Variants in SYNE2 observed in about 807,000 individuals in gnomAD.
The protein encoded by SYNE2 is spectrin repeat containing nuclear envelope protein 2.
A neutral mutation model predicts 856.3 loss-of-function variants in SYNE2; 431 were observed. That is an observed-to-expected ratio of 0.50 (90% CI 0.47 to 0.55). SYNE2 has a LOEUF of 0.55. Among genes scored for constraint, SYNE2 ranks in the 20% least tolerant of loss-of-function variants. The pLI, the probability that SYNE2 is intolerant of heterozygous loss-of-function variation, is 0.00. For missense variants in SYNE2, 8,129 were observed against 8,023.2 expected (o/e 1.01, Z -0.50); for synonymous variants, 2,923 against 2,872.3 (o/e 1.02, Z -0.56).
At position 63,909,194 on chromosome 14, in the gene SYNE2, T is replaced by C. The variant is rs1195843279; in HGVS notation, c.46T>C (p.Trp16Arg). 1.2e-6 allele frequency: 2 copies of C among 1,613,238 alleles called. No homozygotes were observed. Among genetic ancestry groups the C allele is most frequent in the Non-Finnish European group, 8.5e-7 (1 of 1,179,670 alleles). ...TCCCACCGAAGATGAACAGGGTTCC[T>C]GGGGCATCGACGATCTCCATATTTC... ...ELPTEDEQGS[W>R]GIDDLHISLQ... The change falls in exon 2 of 116, where the codon TGG (tryptophan) becomes CGG (arginine). Residue 16 changes from tryptophan (W) to arginine (R), a missense_variant. By Grantham distance (101) the Trp-to-Arg change is moderately radical. Coordinates refer to ENST00000555002, the MANE Select transcript of SYNE2 (RefSeq NM_182914.3).
chr14:64,048,526 A>T (rs985259344), intron 46 of SYNE2: 3 of 175,490 alleles, frequency 1.7e-5, no homozygotes, highest in Non-Finnish European at 3.7e-5. Flanking sequence ...TTGTTTTTAC[A>T]TCTGTGTTTA....
intron 84 of SYNE2, among the ~76,000 whole-genome samples, chr14:64,151,283 C>T (rs1031239852): frequency 2.6e-5 from 4 of 151,930 alleles, no homozygotes; most frequent in African/African-American, 9.7e-5. Flanking sequence ...GACTGGATTT[C>T]AGTGCTCCTC....
chr14:63,794,911 C>G (rs1887863770), intron 1 of SYNE2, among the ~76,000 whole-genome samples: 1 of 152,132 alleles, frequency 6.6e-6, no homozygotes, highest in Non-Finnish European at 1.5e-5. Context: ...CTAGATACTA[C>G]CCAAAATAAC....
chr14:63,912,689 C>T (rs956723523), intron 2 of SYNE2, among the ~76,000 whole-genome samples: 2 of 152,158 alleles, frequency 1.3e-5, no homozygotes, highest in African/African-American at 4.8e-5. Context: ...AACACCCTGA[C>T]TCAGAATAAC....
At chr14:64,055,271 T>C (rs1365204845) in intron 48 of SYNE2, among the ~76,000 whole-genome samples, 3 of 152,170 alleles carry the variant, frequency 2.0e-5, no homozygotes, top group Admixed American at 1.3e-4. Context: ...TGTAGTCTAG[T>C]ACAAGAGTTC....
At chr14:64,117,063 A>G (rs1252492119) in intron 66 of SYNE2, among the ~76,000 whole-genome samples, 1 of 152,168 alleles carries the variant, frequency 6.6e-6, no homozygotes, top group African/African-American at 2.4e-5. Flanking sequence ...GGGTTGTGTT[A>G]CAAGACCCCC....
chr14:64,025,324 A>G lies in SYNE2; in HGVS notation c.6155A>G (p.Asp2052Gly). ...EDQSFNDLAH[D>G]VIHWIKEIKE... ...CAGAGCTTTAATGATCTTGCACATG[A>G]TGTAATTCATTGGATAAAAGAGATT... The change falls in exon 41 of 116, where the codon GAT becomes GGT. Residue 2052 changes from aspartate to glycine, a missense_variant. Physicochemically the swap from Asp to Gly is moderately conservative, Grantham distance 94. Coordinates refer to ENST00000555002, the MANE Select transcript of SYNE2 (RefSeq NM_182914.3). 2 of 1,614,102 alleles carry G rather than the reference A, an allele frequency of 1.2e-6. No individual in the cohort carries two copies. The highest frequency in any genetic ancestry group is 1.7e-6 in the Non-Finnish European group (2 of 1,179,984).
At chr14:64,213,531 C>G (rs541833962) in intron 105 of SYNE2, among the ~76,000 whole-genome samples, 2 of 152,320 alleles carry the variant, frequency 1.3e-5, no homozygotes, top group South Asian at 4.1e-4. Flanking sequence ...TCAAAGCGTA[C>G]TGCCTTTGTG....
At chr14:63,913,473 T>TC (rs2095497711) in intron 2 of SYNE2, among the ~76,000 whole-genome samples, 1 of 151,114 alleles carries the variant, frequency 6.6e-6, no homozygotes, top group African/African-American at 2.4e-5. Flanking sequence ...TTTCTTTTTT[T>TC]TTTTTCTGAG....
chr14:63,971,769 A>G (rs35673985), intron 11 of SYNE2, among the ~76,000 whole-genome samples: 30,749 of 152,060 alleles, frequency 0.2, 3,589 homozygotes, highest in African/African-American at 0.32. Context: ...GCTGTGAGTG[A>G]CAAATTCACC....
Position 64,129,849 on chromosome 14 carries a change from G to A in SYNE2, c.14087G>A (p.Gly4696Glu). 6.2e-7 allele frequency: 1 copy of A among 1,614,142 alleles called. No individual in the cohort carries two copies. The highest frequency in any genetic ancestry group is 8.5e-7 in the Non-Finnish European group (1 of 1,180,024). Reference sequence around the variant, plus strand: ...CGAGTGGCCAAACTAAGAGATGAAGGGGAGAGGCTTCATTTACCTTATGCT... The same window carrying A: ...CGAGTGGCCAAACTAAGAGATGAAGAGGAGAGGCTTCATTTACCTTATGCT... The part of the protein sequence containing the change: ...ESRVAKLRDE[G>E]ERLHLPYALL... The change falls in exon 75 of 116, where the codon GGG becomes GAG. Residue 4696 changes from glycine to glutamate, a missense_variant. Around this residue, in one of 3 missense-constraint regions of SYNE2, gnomAD observed 5,410 missense variants for 5,284.8 expected, o/e 1.02. Coordinates refer to ENST00000555002, the MANE Select transcript of SYNE2 (RefSeq NM_182914.3).
intron 18 of SYNE2, 90 bp from the exon 19 acceptor site, chr14:63,986,366 C>A: frequency 1.4e-6 from 2 of 1,392,286 alleles, no homozygotes; most frequent in Non-Finnish European, 2.0e-6. Flanking sequence ...TCCTAAAGAG[C>A]TGGGATTACA....
At chr14:63,937,625 C>T (rs752259924) in intron 2 of SYNE2, among the ~76,000 whole-genome samples, 1 of 152,066 alleles carries the variant, frequency 6.6e-6, no homozygotes, top group Non-Finnish European at 1.5e-5. Flanking sequence ...GTTAAGTTGC[C>T]ATCTGGGGAC....
At chr14:64,140,352 G>A (rs1356684191) in intron 80 of SYNE2, among the ~76,000 whole-genome samples, 1 of 152,230 alleles carries the variant, frequency 6.6e-6, no homozygotes, top group Non-Finnish European at 1.5e-5. Context: ...GGGAGGCTGA[G>A]GCAGTGGATC....
intron 1 of SYNE2, among the ~76,000 whole-genome samples, chr14:63,820,999 C>T (rs1889191982): frequency 1.3e-5 from 2 of 152,064 alleles, no homozygotes; most frequent in African/African-American, 2.4e-5. Flanking sequence ...GATCCACCCA[C>T]CTCAGCCTTT....
chr14:63,904,083 C>A (rs563698105), intron 1 of SYNE2, among the ~76,000 whole-genome samples: 2 of 152,282 alleles, frequency 1.3e-5, no homozygotes, highest in South Asian at 4.1e-4. Flanking sequence ...TATTGGTTTT[C>A]TGTTCCTGTG....
chr14:63,993,999 C>G (rs576184617), intron 22 of SYNE2, 30 bp downstream of exon 22: 19 of 1,610,578 alleles, frequency 1.2e-5, no homozygotes, highest in South Asian at 2.2e-5. Context: ...TCTGAACTTA[C>G]GTTTTTATAT....
intron 85 of SYNE2, among the ~76,000 whole-genome samples, chr14:64,157,658 C>G (rs535115375): frequency 1.3e-5 from 2 of 152,310 alleles, no homozygotes; most frequent in Non-Finnish European, 2.9e-5. Context: ...AACTATCTAG[C>G]TGTTTTCCAC....
intron 8 of SYNE2, among the ~76,000 whole-genome samples, chr14:63,958,017 T>G (rs1272714): frequency 0.68 from 103,246 of 151,734 alleles, 35,371 homozygotes; most frequent in South Asian, 0.77. Context: ...ACTGTAGCCT[T>G]GGCAACAGAG....
Sources: gnomAD v4.1 joint callset for allele counts (sites outside exome capture counted in the v4.1 genomes callset) on GRCh38, gnomAD v4.1.1 for gene constraint, gnomAD v4.1.1 regional missense constraint, MANE v1.5 for transcripts, NCBI Gene and HGNC (gene_info 2026-07-23, HGNC 2026-07-21) for gene names.